TBCD: variants seen among roughly 807,000 people sequenced by gnomAD.
TBCD encodes the protein tubulin folding cofactor D.
A neutral mutation model predicts 169.3 loss-of-function variants in TBCD; 105 were observed. The ratio of observed to expected loss-of-function variants is 0.62; its 90% CI spans 0.53 to 0.73. The LOEUF (loss-of-function observed/expected upper bound fraction) is 0.73. TBCD is among the 30% of genes least tolerant of loss of function. TBCD has a pLI of 0.00. For synonymous variants in TBCD, 700 were observed against 643.9 expected (o/e 1.09, Z -1.32); for missense variants, 1,444 against 1,600.1 (o/e 0.90, Z 1.66).
At chr17:82,827,639 T>TG (rs2052982472) in intron 13 of TBCD, among the ~76,000 whole-genome samples, 1 of 152,086 alleles carries the variant, frequency 6.6e-6, no homozygotes, top group Non-Finnish European at 1.5e-5. Flanking sequence ...CACTGACACA[T>TG]GCACGTTGAC....
chr17:82,779,720 A>T (rs1396463679), intron 6 of TBCD, among the ~76,000 whole-genome samples: 2 of 152,190 alleles, frequency 1.3e-5, no homozygotes, highest in African/African-American at 4.8e-5. Flanking sequence ...GTGCTGGAAC[A>T]AGGGCCGGGA....
At chr17:82,917,642 G>A (rs146478078) in intron 23 of TBCD, among the ~76,000 whole-genome samples, 146 of 152,326 alleles carry the variant, frequency 9.6e-4, no homozygotes, top group African/African-American at 3.3e-3. Flanking sequence ...TGCTGTCGGG[G>A]TCACCTCCAT....
chr17:82,839,812 A>G (rs1473706787), intron 13 of TBCD: 1 of 152,260 alleles, frequency 6.6e-6, no homozygotes, highest in Non-Finnish European at 1.5e-5. Context: ...CTCGGAGCCC[A>G]GAGCAAGGCA....
At chr17:82,927,581 C>T (rs929304197) in intron 29 of TBCD, among the ~76,000 whole-genome samples, 5 of 152,126 alleles carry the variant, frequency 3.3e-5, no homozygotes, top group African/African-American at 1.2e-4. Context: ...AGGGAGGACG[C>T]GTCTTCAATG....
At chr17:82,939,680 AGTGTCAG>A (rs1444947422) in intron 37 of TBCD, among the ~76,000 whole-genome samples, 62 of 152,326 alleles carry the variant, frequency 4.1e-4, no homozygotes, top group Non-Finnish European at 5.9e-5. Flanking sequence ...GTCCCCAAAC[AGTGTCAG>A]GTGTCAGGAA....
intron 2 of TBCD, among the ~76,000 whole-genome samples, chr17:82,759,222 C>T (rs1159559251): frequency 6.6e-6 from 1 of 152,004 alleles, no homozygotes; most frequent in Non-Finnish European, 1.5e-5. Context: ...GTAGCTCATG[C>T]CTCTGATCCT....
At chr17:82,759,292 C>T (rs1319037832) in intron 2 of TBCD, among the ~76,000 whole-genome samples, 2 of 151,958 alleles carry the variant, frequency 1.3e-5, no homozygotes, top group Admixed American at 6.6e-5. Flanking sequence ...ACCAGCCTGA[C>T]CAACATGGTG....
intron 13 of TBCD, among the ~76,000 whole-genome samples, chr17:82,869,728 C>A (rs1232609602): frequency 6.6e-6 from 1 of 152,176 alleles, no homozygotes; most frequent in African/African-American, 2.4e-5. Flanking sequence ...TCACCCCAGA[C>A]CTGCTCTGGG....
At chr17:82,814,220 G>A (rs543025506) in intron 12 of TBCD, among the ~76,000 whole-genome samples, 1 of 152,300 alleles carries the variant, frequency 6.6e-6, no homozygotes, top group South Asian at 2.1e-4. Context: ...ATTTAAAGAA[G>A]GTCTTCCTGC....
intron 13 of TBCD, among the ~76,000 whole-genome samples, chr17:82,843,520 C>T (rs1405488465): frequency 1.5e-5 from 2 of 129,292 alleles, no homozygotes; most frequent in African/African-American, 3.2e-5. Context: ...TTACCCTTCC[C>T]TTCCCCTCAC....
chr17:82,862,881 C>T (rs1311324800), intron 13 of TBCD, among the ~76,000 whole-genome samples: 1 of 152,160 alleles, frequency 6.6e-6, no homozygotes, highest in African/African-American at 2.4e-5. Flanking sequence ...TGTCCTCTCA[C>T]GCGTCCGAGG....
intron 13 of TBCD, among the ~76,000 whole-genome samples, chr17:82,869,462 G>T (rs1158265101): frequency 1.3e-5 from 2 of 152,178 alleles, no homozygotes; most frequent in African/African-American, 4.8e-5. Flanking sequence ...GGAAGGTGCA[G>T]TGAGCCAAGA....
At chr17:82,816,637 G>A (rs945051864) in intron 13 of TBCD, among the ~76,000 whole-genome samples, 1 of 151,730 alleles carries the variant, frequency 6.6e-6, no homozygotes, top group Non-Finnish European at 1.5e-5. Context: ...AGGACCAGGC[G>A]ATCCTCTCAC....
intron 21 of TBCD, among the ~76,000 whole-genome samples, chr17:82,908,692 G>A (rs1279698697): frequency 6.6e-6 from 1 of 152,170 alleles, no homozygotes; most frequent in Non-Finnish European, 1.5e-5. Flanking sequence ...GAGTGCAGAC[G>A]GGGAGGTGGC....
In TBCD at chr17:82,832,008, G is replaced by C. The variant is rs1274486084; in HGVS notation, c.1318+17074G>C. 1 of 1,612,668 alleles carries C rather than the reference G, an allele frequency of 6.2e-7. No homozygotes were observed. The highest frequency in any genetic ancestry group is 1.3e-5 in the African/African-American group (1 of 75,026). ...GAGCTGCGCCTTCCAGAGCAGGCTGGGCACCGAGGGCGGCTTCCGGAGCTG... is the reference window on the plus strand; with the variant it reads ...GAGCTGCGCCTTCCAGAGCAGGCTGCGCACCGAGGGCGGCTTCCGGAGCTG... On this transcript the variant is annotated intron_variant, in intron 13 of 38. Coordinates refer to ENST00000355528, the MANE Select transcript of TBCD (RefSeq NM_005993.5). The surrounding 1 kb of genome is among the most constrained non-coding windows in gnomAD (Gnocchi z 4.9).
In TBCD at chr17:82,870,342, G is replaced by C. The variant is rs749601557; in HGVS notation, c.1437G>C (p.Glu479Asp). The C allele has an allele frequency of 6.2e-7, 1 of 1,613,424 alleles. No individual in the cohort carries two copies. The highest frequency in any genetic ancestry group is 8.5e-7 in the Non-Finnish European group (1 of 1,179,860). ...YVCWAFARAY[E>D]PQELKPFVTA... ...GCTGGGCCTTCGCGCGTGCCTATGA[G>C]CCTCAGGAGCTGAAGCCCTTTGTGA... Residue 479 changes from glutamate to aspartate, a missense_variant, in exon 14 of 39, where the codon GAG becomes GAC. Glu to Asp is a conservative substitution (Grantham distance 45). Coordinates refer to ENST00000355528, the MANE Select transcript of TBCD (RefSeq NM_005993.5).
intron 6 of TBCD, among the ~76,000 whole-genome samples, chr17:82,774,020 C>T (rs138779931): frequency 0.013 from 1,894 of 150,140 alleles, 51 homozygotes; most frequent in African/African-American, 0.044. Flanking sequence ...TGAGCCACCG[C>T]GCCTGGCCCG....
rs754808614 is a variant in TBCD, at chr17:82,939,729, C to T, written c.3479+253C>T. Among the ~76,000 whole-genome samples, 65 of 152,338 alleles carry T rather than the reference C, an allele frequency of 4.3e-4. 1 individual carries two copies. Among genetic ancestry groups the T allele is most frequent in the East Asian group, 1.9e-4 (1 of 5,186 alleles). ...AAAGCCATCCATCCCACCAGGGGAG[C>T]GGGCACCTGTACCACAAGGCTGTGT... On this transcript the variant is annotated intron_variant, in intron 37 of 38. Coordinates refer to ENST00000355528, the MANE Select transcript of TBCD (RefSeq NM_005993.5).
intron 26 of TBCD, among the ~76,000 whole-genome samples, 196 bp from the exon 27 acceptor site, chr17:82,924,743 A>ACT (rs1309223811): frequency 6.6e-6 from 1 of 151,836 alleles, no homozygotes; most frequent in Non-Finnish European, 1.5e-5. Flanking sequence ...ACAGAATGAG[A>ACT]CTCTCTCAAA....
Sources: gnomAD v4.1 joint callset for allele counts (sites outside exome capture counted in the v4.1 genomes callset) on GRCh38, gnomAD v4.1.1 for gene constraint, Gnocchi (gnomAD v3.1) non-coding constraint, MANE v1.5 for transcripts, NCBI Gene and HGNC (gene_info 2026-07-23, HGNC 2026-07-21) for gene names.